Variants in UBR4 observed in about 807,000 individuals in gnomAD.
The protein encoded by UBR4 is E3 ubiquitin-protein ligase UBR4.
A neutral mutation model predicts 575.6 loss-of-function variants in UBR4; 124 were observed. The ratio of observed to expected loss-of-function variants is 0.22; its 90% CI spans 0.19 to 0.25. The LOEUF (loss-of-function observed/expected upper bound fraction) is 0.25, where lower values mean the gene tolerates loss of function less well. Ranked by LOEUF, UBR4 falls within the 10% of genes least tolerant of loss-of-function variation. The probability of loss-of-function intolerance (pLI) is 1.00; values close to 1 mark genes in which losing one functional copy is unlikely to be tolerated. For synonymous variants in UBR4, 2,455 were observed against 2,473.7 expected (o/e 0.99, Z 0.22); for missense variants, 4,818 against 6,478.8 (o/e 0.74, Z 8.80).
At chr1:19,133,947 G>A (rs1444782851) in intron 60 of UBR4, among the ~76,000 whole-genome samples, 1 of 152,054 alleles carries the variant, frequency 6.6e-6, no homozygotes, top group Non-Finnish European at 1.5e-5. Flanking sequence ...GGTGCCAGGT[G>A]TGGTGGCACA....
In UBR4 at chr1:19,128,461, G is replaced by A. The variant is rs2082059486; in HGVS notation, c.9004-143C>T. 5.7e-6 allele frequency: 4 copies of A among 698,574 alleles called. No individual in the cohort carries two copies. The South Asian group carries it at 8.3e-5, about 14-fold the overall frequency. The allele number at this position is 698,574 out of a possible 1,614,324, so 43.3% of individuals were successfully genotyped here. A position where few individuals can be genotyped will look rare whatever the true frequency, so the allele number is the denominator to read the frequency against. On this transcript the variant is annotated intron_variant, in intron 61 of 105. Transcript: ENST00000375254. The stretch of plus-strand genomic sequence containing the variant: ...ATCCATTATAGCGTTCTAAATTCCA[G>A]GTATCCAAAGCTTCAGTGTTCAGAG...
intron 13 of UBR4, 68 bp from the exon 14 acceptor site, chr1:19,186,725 T>G (rs2091561116): frequency 6.8e-7 from 1 of 1,464,120 alleles, no homozygotes; most frequent in South Asian, 1.2e-5. Context: ...GAAAACTTTC[T>G]CCATAATCTC....
chr1:19,116,612 T>C (rs2149397440), intron 73 of UBR4, among the ~76,000 whole-genome samples: 1 of 152,324 alleles, frequency 6.6e-6, no homozygotes, highest in East Asian at 1.9e-4. Flanking sequence ...TCAGTAGCAA[T>C]GCCTGAGAGT....
At chr1:19,160,839 T>C (rs1395022113) in intron 38 of UBR4, 78 bp downstream of exon 38, 13 of 1,348,756 alleles carry the variant, frequency 9.6e-6, no homozygotes, top group Middle Eastern at 1.8e-4. Flanking sequence ...AGGGGAGCCA[T>C]GTGCATTATT....
intron 39 of UBR4, among the ~76,000 whole-genome samples, chr1:19,158,800 T>C (rs1418122896): frequency 1.3e-5 from 2 of 151,982 alleles, no homozygotes; most frequent in Non-Finnish European, 2.9e-5. Context: ...CCAGAATATA[T>C]ATGGGTATGT....
In UBR4 at chr1:19,110,902, G is replaced by A. The variant is rs1171326914; in HGVS notation, c.11802-70C>T. ...TGTGACACTCCTTTCCACCTGAAGGGGCCCAGGGAAAATGAAATCAATGTC... is the reference window on the plus strand; with the variant it reads ...TGTGACACTCCTTTCCACCTGAAGGAGCCCAGGGAAAATGAAATCAATGTC... On this transcript the variant is annotated intron_variant, in intron 78 of 105. Coordinates refer to ENST00000375254, the MANE Select transcript of UBR4 (RefSeq NM_020765.3). This position sits in a 1 kb window ranked among gnomAD's most constrained non-coding sequence, Gnocchi z 4.5. 2 of 1,469,418 alleles carry A rather than the reference G, an allele frequency of 1.4e-6. No individual in the cohort carries two copies. Among genetic ancestry groups the A allele is most frequent in the Non-Finnish European group, 1.9e-6 (2 of 1,075,648 alleles). The allele number at this position is 1,469,418 out of a possible 1,614,324, so 91.0% of individuals were successfully genotyped here.
chr1:19,208,466 C>CAA (rs71030137), intron 1 of UBR4, among the ~76,000 whole-genome samples: 4,523 of 75,334 alleles, frequency 0.06, 299 homozygotes, highest in African/African-American at 0.15. Context: ...GAATCCATCT[C>CAA]AAAAAAAAAA....
At position 19,153,983 on chromosome 1, in the gene UBR4, T is replaced by C; in HGVS notation, c.6459-44A>G. On this transcript the variant is annotated intron_variant, in intron 44 of 105. Transcript: ENST00000375254. This position sits in a 1 kb window ranked among gnomAD's most constrained non-coding sequence, Gnocchi z 4.1. ...GCCACAGTTAGAGTGTCAGTCACCA[T>C]TTAATAGTTCTTTTCTTGACCTAAA... 1.3e-6 allele frequency: 2 copies of C among 1,591,846 alleles called. No individual in the cohort carries two copies. The highest frequency in any genetic ancestry group is 2.2e-5 in the East Asian group (1 of 44,554).
At chr1:19,187,849 T>C (rs1049077038) in intron 11 of UBR4, among the ~76,000 whole-genome samples, 1 of 151,918 alleles carries the variant, frequency 6.6e-6, no homozygotes, top group African/African-American at 2.4e-5. Context: ...GGATCACTTA[T>C]GCCCAGCAAT....
intron 55 of UBR4, among the ~76,000 whole-genome samples, chr1:19,143,329 A>T (rs1393708493): frequency 6.6e-6 from 1 of 151,880 alleles, no homozygotes; most frequent in Non-Finnish European, 1.5e-5. Context: ...AAAATTTAAA[A>T]GTACATAGTG....
At position 19,113,162 on chromosome 1, in the gene UBR4, G is replaced by A. The variant is rs747164372; in HGVS notation, c.11458-295C>T. On this transcript the variant is annotated intron_variant, in intron 77 of 105. Transcript: ENST00000375254. ...AAGGTCAGAAGCTAATACACGTGTAGCAAAGATGGCACTCCAGCAATTTGG... is the reference window on the plus strand; with the variant it reads ...AAGGTCAGAAGCTAATACACGTGTAACAAAGATGGCACTCCAGCAATTTGG... 2.3e-5 allele frequency: 8 copies of A among 340,962 alleles called. No homozygotes were observed. The Middle Eastern group carries it at 2.5e-3, about 107-fold the overall frequency. The allele number at this position is 340,962 out of a possible 1,614,324, so 21.1% of individuals were successfully genotyped here.
At chr1:19,114,092 C>G (rs764076760) in intron 75 of UBR4, 22 bp from the exon 76 acceptor site, 6 of 1,603,084 alleles carry the variant, frequency 3.7e-6, no homozygotes, top group African/African-American at 1.3e-5. Context: ...AAGACAGGGA[C>G]TGAGTGAAGG....
rs1291362050 is a variant in UBR4 at position 19,114,208 on chromosome 1, C to A, written c.11203-138G>T. On this transcript the variant is annotated intron_variant, in intron 75 of 105. Transcript: ENST00000375254. The stretch of plus-strand genomic sequence containing the variant: ...TTTCATACATTATCTCTGTTCTTCA[C>A]AATAATCTTTCCTGTGAGGTGGGTA... 1.3e-5 allele frequency: 15 copies of A among 1,144,884 alleles called. No individual in the cohort carries two copies. The South Asian group carries it at 2.4e-4, about 18-fold the overall frequency. 70.9% of individuals were successfully genotyped at this position (1,144,884 alleles called of 1,614,324 possible).
chr1:19,184,123 T>A lies in UBR4; in HGVS notation c.1991A>T (p.Asn664Ile). 1 of 1,613,878 alleles carries A rather than the reference T, an allele frequency of 6.2e-7. No individual in the cohort carries two copies. Among genetic ancestry groups the A allele is most frequent in the Non-Finnish European group, 8.5e-7 (1 of 1,179,984 alleles). ...GTTTCGGATAAAATTGTTCCGAGAG[T>A]TCAGCATGGAAGAGGTGATGAAGTT... ...ILNFITSSMLNSRNNFIRNYL... is the reference protein window; with the variant it reads ...ILNFITSSMLISRNNFIRNYL... Residue 664 changes from asparagine to isoleucine, a missense_variant, in exon 16 of 106, where the codon AAC becomes ATC. Around this residue, in one of 29 missense-constraint regions of UBR4, gnomAD observed 1,172 missense variants for 1,259.7 expected, o/e 0.93. Transcript: ENST00000375254.
intron 48 of UBR4, chr1:19,151,234 C>G: frequency 3.0e-6 from 1 of 328,256 alleles, no homozygotes; most frequent in South Asian, 3.4e-5. Flanking sequence ...GATTTGTATT[C>G]TGAGAGTTTA....
intron 19 of UBR4, among the ~76,000 whole-genome samples, 184 bp from the exon 20 acceptor site, chr1:19,176,911 T>C (rs1571489347): frequency 6.6e-6 from 1 of 152,228 alleles, no homozygotes; most frequent in Non-Finnish European, 1.5e-5. Context: ...TAGCTTGGTA[T>C]ACCAAAGCCT....
At chr1:19,188,309 T>C (rs961278634) in intron 11 of UBR4, among the ~76,000 whole-genome samples, 3 of 152,170 alleles carry the variant, frequency 2.0e-5, no homozygotes, top group African/African-American at 4.8e-5. Flanking sequence ...ATCCCAGCAC[T>C]TGGGGAGGCC....
At chr1:19,107,082 G>A (rs1329293751) in intron 81 of UBR4, 116 bp from the exon 82 acceptor site, 4 of 1,429,340 alleles carry the variant, frequency 2.8e-6, no homozygotes, top group Non-Finnish European at 3.8e-6. Flanking sequence ...AAGATCAGGA[G>A]GATCAACACG....
At chr1:19,183,685 G>A in intron 17 of UBR4, 126 bp downstream of exon 17, 3 of 934,972 alleles carry the variant, frequency 3.2e-6, no homozygotes, top group South Asian at 3.0e-5. Context: ...CCGTGTCACT[G>A]CACTCCAGCC....
Sources: gnomAD v4.1 joint callset for allele counts (sites outside exome capture counted in the v4.1 genomes callset) on GRCh38, gnomAD v4.1.1 for gene constraint, gnomAD v4.1.1 regional missense constraint, Gnocchi (gnomAD v3.1) non-coding constraint, MANE v1.5 for transcripts, NCBI Gene and HGNC (gene_info 2026-07-23, HGNC 2026-07-21) for gene names.